Variants in CRACDL observed in about 807,000 individuals in gnomAD.
CRACDL encodes CRACD like, also known as CRACD-like protein.
In CRACDL, 26 loss-of-function variants were observed where a neutral mutation model predicts 70.6. That is an observed-to-expected ratio of 0.37 (90% CI 0.27 to 0.51). The LOEUF is 0.51. Among genes scored for constraint, CRACDL ranks in the 20% least tolerant of loss-of-function variants. The pLI is 0.94. For missense variants in CRACDL, 1,283 were observed against 1,376.9 expected (o/e 0.93, Z 1.08); for synonymous variants, 618 against 615.2 (o/e 1.00, Z -0.07).
At chr2:98,870,714 C>T (rs1040664301) in intron 1 of CRACDL, among the ~76,000 whole-genome samples, 1 of 152,224 alleles carries the variant, frequency 6.6e-6, no homozygotes, top group African/African-American at 2.4e-5. Flanking sequence ...CCCACAGTGG[C>T]AATTCCACCC....
chr2:98,880,753 C>T (rs1707626173), intron 1 of CRACDL, among the ~76,000 whole-genome samples: 1 of 152,170 alleles, frequency 6.6e-6, no homozygotes, highest in South Asian at 2.1e-4. Flanking sequence ...TCAACCCAGA[C>T]TTGCCCCAAT....
At chr2:98,833,057 GC>G in intron 3 of CRACDL, 60 bp from the exon 4 acceptor site, 1 of 1,505,878 alleles carries the variant, frequency 6.6e-7, no homozygotes, top group Non-Finnish European at 9.0e-7. Flanking sequence ...CCCCTGGGGG[GC>G]TCAGAATGAG....
At chr2:98,896,025 T>C (rs902583434) in intron 1 of CRACDL, among the ~76,000 whole-genome samples, 1 of 152,150 alleles carries the variant, frequency 6.6e-6, no homozygotes, top group Non-Finnish European at 1.5e-5. Flanking sequence ...TCCAGGACTG[T>C]GAGCAAACAA....
intron 1 of CRACDL, among the ~76,000 whole-genome samples, chr2:98,925,017 GC>G (rs1208898347): frequency 2.0e-5 from 3 of 152,228 alleles, no homozygotes; most frequent in Non-Finnish European, 4.4e-5. Context: ...ATAGCACGGG[GC>G]CCCACCAGGG....
chr2:98,897,191 A>G (rs1300109643), intron 1 of CRACDL, among the ~76,000 whole-genome samples: 3 of 152,180 alleles, frequency 2.0e-5, no homozygotes, highest in Non-Finnish European at 4.4e-5. Context: ...AGAATGTCAC[A>G]AAAATGGAAT....
At chr2:98,900,431 G>C (rs1421887215) in intron 1 of CRACDL, among the ~76,000 whole-genome samples, 3 of 152,040 alleles carry the variant, frequency 2.0e-5, no homozygotes, top group African/African-American at 7.2e-5. Context: ...AGGCTCAGTG[G>C]GAGGAGTGCC....
At chr2:98,922,661 A>C (rs1708831642) in intron 1 of CRACDL, among the ~76,000 whole-genome samples, 1 of 152,040 alleles carries the variant, frequency 6.6e-6, no homozygotes, top group East Asian at 1.9e-4. Flanking sequence ...AATTAGCTTG[A>C]CACCTAGCTC....
chr2:98,813,733 T>TA (rs1704668583), intron 7 of CRACDL, among the ~76,000 whole-genome samples: 1 of 152,208 alleles, frequency 6.6e-6, no homozygotes, highest in Admixed American at 6.5e-5. Flanking sequence ...GCTGGCCTCA[T>TA]AAAACGGGTT....
intron 6 of CRACDL, among the ~76,000 whole-genome samples, chr2:98,824,952 G>C (rs565430828): frequency 1.3e-5 from 2 of 152,298 alleles, no homozygotes; most frequent in African/African-American, 4.8e-5. Context: ...TGCTGATGTT[G>C]AAACCTCTTT....
chr2:98,826,858 G>A, intron 6 of CRACDL, 117 bp downstream of exon 6: 1 of 665,482 alleles, frequency 1.5e-6, no homozygotes, highest in South Asian at 1.8e-5. Flanking sequence ...ATCAACTGTG[G>A]GGTGCTCAGA....
Position 98,838,209 on chromosome 2 carries a change from CCTG to C in CRACDL, c.146_148del (p.Thr49_Gly50delinsArg), listed in dbSNP as rs1210411878. 2 of 1,613,902 alleles carry C rather than the reference CCTG, an allele frequency of 1.2e-6. No homozygotes were observed. Among genetic ancestry groups the C allele is most frequent in the African/African-American group, 2.7e-5 (2 of 74,924 alleles). On this transcript the variant is annotated inframe_deletion, in exon 3 of 10. Coordinates refer to ENST00000397899, the MANE Select transcript of CRACDL (RefSeq NM_207362.3). ...CTGACTTTGTTTCCAGGTGCTACTT[CCTG>C]TGGACGACGGCGATTCTTTTCTCTT...
chr2:98,880,944 T>C (rs1353648932), intron 1 of CRACDL, among the ~76,000 whole-genome samples: 3 of 152,192 alleles, frequency 2.0e-5, no homozygotes, highest in African/African-American at 7.2e-5. Context: ...CAGAATGCCC[T>C]TTTTAATAGC....
rs1355058853 is a variant in CRACDL, at chr2:98,794,727, C to T, written c.2750-56G>A. On this transcript the variant is annotated intron_variant, in intron 9 of 9. Transcript: ENST00000397899. ...ACATGAGCAGTGACTTCGAATTTTCCCTTAAGCCTCTTGTGTTTCTCGAAC... is the reference window on the plus strand; with the variant it reads ...ACATGAGCAGTGACTTCGAATTTTCTCTTAAGCCTCTTGTGTTTCTCGAAC... 2.6e-6 allele frequency: 4 copies of T among 1,518,246 alleles called. No individual in the cohort carries two copies. The African/African-American group carries it at 4.1e-5, about 16-fold the overall frequency. The allele number at this position is 1,518,246 out of a possible 1,614,324, so 94.0% of individuals were successfully genotyped here.
intron 1 of CRACDL, among the ~76,000 whole-genome samples, chr2:98,866,475 C>CT (rs1173322192): frequency 0.055 from 2,361 of 43,198 alleles, 234 homozygotes; most frequent in Non-Finnish European, 0.083. Context: ...ATCACTTCTT[C>CT]TTTTTTTTTT....
intron 7 of CRACDL, among the ~76,000 whole-genome samples, chr2:98,801,043 T>G (rs902503563): frequency 5.9e-5 from 9 of 152,170 alleles, no homozygotes; most frequent in African/African-American, 2.2e-4. Context: ...TAACCTGCAA[T>G]AGCAGCATCG....
At chr2:98,885,135 G>A (rs756832140) in intron 1 of CRACDL, among the ~76,000 whole-genome samples, 20 of 152,286 alleles carry the variant, frequency 1.3e-4, no homozygotes, top group East Asian at 3.9e-4. Flanking sequence ...AGAAGAAGTC[G>A]AAGCTCAAAT....
At position 98,797,526 on chromosome 2, in the gene CRACDL, G is replaced by T; in HGVS notation, c.2428C>A (p.Pro810Thr). Residue 810 changes from proline to threonine, a missense_variant, in exon 8 of 10, where the codon CCG becomes ACG. This residue lies in a region of CRACDL where 921 missense variants were observed against 881.9 expected (regional missense o/e 1.04). Coordinates refer to ENST00000397899, the MANE Select transcript of CRACDL (RefSeq NM_207362.3). Reference protein sequence around the residue: ...PLRRGAEKSLPPAATGPGADG... With the variant: ...PLRRGAEKSLTPAATGPGADG... ...GCTCCAGGCCCTGTTGCTGCAGGCG[G>T]CAGACTCTTTTCTGTTGGGTAAAGG... 1 of 1,613,726 alleles carries T rather than the reference G, an allele frequency of 6.2e-7. No individual in the cohort carries two copies. Among genetic ancestry groups the T allele is most frequent in the Non-Finnish European group, 8.5e-7 (1 of 1,180,020 alleles).
At chr2:98,903,860 A>G (rs1017302625) in intron 1 of CRACDL, among the ~76,000 whole-genome samples, 5 of 152,218 alleles carry the variant, frequency 3.3e-5, no homozygotes, top group African/African-American at 9.6e-5. Context: ...GTGCATACAC[A>G]TGAGTGTGGT....
At chr2:98,809,990 A>G (rs926456394) in intron 7 of CRACDL, among the ~76,000 whole-genome samples, 4 of 152,028 alleles carry the variant, frequency 2.6e-5, no homozygotes, top group Admixed American at 6.5e-5. Context: ...CTCAGAGTAA[A>G]CCCCACAGAT....
Sources: gnomAD v4.1 joint callset for allele counts (sites outside exome capture counted in the v4.1 genomes callset) on GRCh38, gnomAD v4.1.1 for gene constraint, gnomAD v4.1.1 regional missense constraint, MANE v1.5 for transcripts, NCBI Gene and HGNC (gene_info 2026-07-23, HGNC 2026-07-21) for gene names.